TNFAIP8L3: variants seen among roughly 807,000 people sequenced by gnomAD.
The protein encoded by TNFAIP8L3 is TNF alpha induced protein 8 like 3.
A neutral mutation model predicts 11.8 loss-of-function variants in TNFAIP8L3; 7 were observed. The observed-to-expected ratio is 0.59, with a 90% CI of 0.34 to 1.11. TNFAIP8L3 has a LOEUF of 1.11. Among genes scored for constraint, TNFAIP8L3 ranks in the 50% most tolerant of loss-of-function variants. The probability of loss-of-function intolerance (pLI) is 0.03; values close to 1 mark genes in which losing one functional copy is unlikely to be tolerated. For missense variants in TNFAIP8L3, 219 were observed against 258.6 expected (o/e 0.85, Z 1.05); for synonymous variants, 98 against 103.8 (o/e 0.94, Z 0.34).
At chr15:51,072,148 A>AT (rs35407603) in intron 1 of TNFAIP8L3, among the ~76,000 whole-genome samples, 30,712 of 149,886 alleles carry the variant, frequency 0.2, 3,530 homozygotes, top group East Asian at 0.44. Flanking sequence ...ACAGAAAGCT[A>AT]TTTTTTTTTT....
upstream of TNFAIP8L3, among the ~76,000 whole-genome samples, chr15:51,099,490 G>T (rs1255445555): frequency 6.6e-6 from 1 of 152,128 alleles, no homozygotes; most frequent in Non-Finnish European, 1.5e-5. Flanking sequence ...AACTCTATGG[G>T]CCCAACCTCT....
At chr15:51,098,517 ATATCC>A (rs567930943), upstream of TNFAIP8L3, among the ~76,000 whole-genome samples, 75 of 152,330 alleles carry the variant, frequency 4.9e-4, no homozygotes, top group East Asian at 0.014. Flanking sequence ...AGCTAGCTTG[ATATCC>A]ATCTAACAGA....
intron 1 of TNFAIP8L3, chr15:51,069,534 T>A (rs958939908): frequency 6.6e-6 from 1 of 152,210 alleles, no homozygotes; most frequent in Non-Finnish European, 1.5e-5. Flanking sequence ...CAGGAGGAGC[T>A]GTAAAACCTT....
At chr15:51,092,680 T>C (rs1378059064) in intron 1 of TNFAIP8L3, among the ~76,000 whole-genome samples, 1 of 152,222 alleles carries the variant, frequency 6.6e-6, no homozygotes, top group African/African-American at 2.4e-5. Context: ...TAGTGATGTT[T>C]GCTGTCAGCT....
rs1262992970 is a variant in TNFAIP8L3, at chr15:51,056,727, G to A, written c.*1154C>T. ...CGTGCATATGGAATAAAGCCTCCCT[G>A]AGCTCCATGCCCCTTAGATAAGGGA... On this transcript the variant is annotated 3_prime_UTR_variant, in exon 2 of 2. Transcript: ENST00000637513. 1 of 151,932 alleles carries A rather than the reference G, an allele frequency of 6.6e-6. No homozygotes were observed. Among genetic ancestry groups the A allele is most frequent in the East Asian group, 1.9e-4 (1 of 5,172 alleles). 9.4% of individuals were successfully genotyped at this position (151,932 alleles called of 1,614,324 possible).
At chr15:51,093,956 C>G (rs1476307145) in intron 1 of TNFAIP8L3, among the ~76,000 whole-genome samples, 1 of 152,146 alleles carries the variant, frequency 6.6e-6, no homozygotes, top group Admixed American at 6.5e-5. Context: ...CGTCTGTGTT[C>G]GGGGACCAGT....
At chr15:51,062,938 G>A (rs2065249806) in intron 1 of TNFAIP8L3, among the ~76,000 whole-genome samples, 1 of 152,264 alleles carries the variant, frequency 6.6e-6, no homozygotes, top group South Asian at 2.1e-4. Flanking sequence ...GTGAGTTAGA[G>A]AAAGAGATGT....
In TNFAIP8L3 at chr15:51,073,687, C is replaced by T. The variant is rs191897162; in HGVS notation, c.53-15244G>A. On this transcript the variant is annotated intron_variant, in intron 1 of 1. Transcript: ENST00000637513. ...ATTTCTTTTTCCTGCTTTATAACAC[C>T]GGTAGAAAACATCCAGCACAGTGTT... is the stretch of plus-strand genomic sequence containing the variant. 6.6e-5 allele frequency among the ~76,000 whole-genome samples: 10 copies of T among 152,244 alleles called. No homozygotes were observed. In the East Asian group the frequency reaches 1.5e-3, roughly 23 times the overall value.
intron 1 of TNFAIP8L3, among the ~76,000 whole-genome samples, chr15:51,077,931 C>T (rs1482839952): frequency 6.6e-6 from 1 of 152,178 alleles, no homozygotes; most frequent in Non-Finnish European, 1.5e-5. Flanking sequence ...CCTCACCTTT[C>T]AATGTGTCTG....
chr15:51,059,600 G>A (rs2065229920), intron 1 of TNFAIP8L3, among the ~76,000 whole-genome samples: 3 of 152,234 alleles, frequency 2.0e-5, no homozygotes, highest in Non-Finnish European at 4.4e-5. Flanking sequence ...CAAGGACAGA[G>A]GCAATGTCTC....
intron 1 of TNFAIP8L3, among the ~76,000 whole-genome samples, chr15:51,079,218 C>A (rs2065375281): frequency 6.6e-6 from 1 of 152,270 alleles, no homozygotes; most frequent in Non-Finnish European, 1.5e-5. Context: ...TGCTGGGACA[C>A]TGACCTCTTA....
At chr15:51,076,409 C>G (rs1333804894) in intron 1 of TNFAIP8L3, among the ~76,000 whole-genome samples, 1 of 152,204 alleles carries the variant, frequency 6.6e-6, no homozygotes, top group Non-Finnish European at 1.5e-5. Context: ...GGAGGCTTAA[C>G]TTCCTGGAAG....
chr15:51,095,258 AGGGAGC>A (rs2065505780), upstream of TNFAIP8L3, among the ~76,000 whole-genome samples: 1 of 22,544 alleles, frequency 4.4e-5, no homozygotes, highest in African/African-American at 1.1e-4. Flanking sequence ...GAATAAGGGA[AGGGAGC>A]GGGGAATAAG....
At chr15:51,076,952 G>C (rs917724949) in intron 1 of TNFAIP8L3, among the ~76,000 whole-genome samples, 3 of 152,148 alleles carry the variant, frequency 2.0e-5, no homozygotes, top group Admixed American at 2.0e-4. Flanking sequence ...CCTGTGGAGA[G>C]GTCCTCCGCG....
chr15:51,104,388 C>T (rs1026816700), intron 1 of TNFAIP8L3, among the ~76,000 whole-genome samples: 1 of 152,184 alleles, frequency 6.6e-6, no homozygotes, highest in Non-Finnish European at 1.5e-5. Context: ...CTTTACTATC[C>T]TGCTATGCTC....
rs1455459860 is a variant in TNFAIP8L3 at position 51,094,503 on chromosome 15, G to A, written c.52+41C>T. The A allele has an allele frequency of 2.1e-6, 3 of 1,440,934 alleles. No homozygotes were observed. Among genetic ancestry groups the A allele is most frequent in the South Asian group, 2.6e-5 (2 of 76,096 alleles). 89.3% of individuals were successfully genotyped at this position (1,440,934 alleles called of 1,614,324 possible). ...ATGCCCCAGCCTCCCGTCCTCCCCA[G>A]CCCCAGCCCACCCGCCTGGGCCGTC... is the stretch of plus-strand genomic sequence containing the variant. On this transcript the variant is annotated intron_variant, in intron 1 of 1. Transcript: ENST00000637513. This position sits in a 1 kb window ranked among gnomAD's most constrained non-coding sequence, Gnocchi z 4.4.
At chr15:51,060,230 T>C (rs547154413) in intron 1 of TNFAIP8L3, among the ~76,000 whole-genome samples, 1 of 152,340 alleles carries the variant, frequency 6.6e-6, no homozygotes, top group East Asian at 1.9e-4. Context: ...TTTTGTTCTC[T>C]GCAAAATCAA....
intron 1 of TNFAIP8L3, among the ~76,000 whole-genome samples, chr15:51,083,111 C>T (rs2065403952): frequency 6.6e-6 from 1 of 152,174 alleles, no homozygotes; most frequent in South Asian, 2.1e-4. Flanking sequence ...AGCCTCCTGA[C>T]TGGGCTACCT....
At chr15:51,067,339 C>T (rs1459044327) in intron 1 of TNFAIP8L3, among the ~76,000 whole-genome samples, 1 of 152,166 alleles carries the variant, frequency 6.6e-6, no homozygotes, top group Non-Finnish European at 1.5e-5. Flanking sequence ...GAGCTTACCC[C>T]TGCTTCTGGG....
Sources: gnomAD v4.1 joint callset for allele counts (sites outside exome capture counted in the v4.1 genomes callset) on GRCh38, gnomAD v4.1.1 for gene constraint, Gnocchi (gnomAD v3.1) non-coding constraint, MANE v1.5 for transcripts, NCBI Gene and HGNC (gene_info 2026-07-23, HGNC 2026-07-21) for gene names.